The following SYT2 variants were observed in gnomAD, a reference collection of about 807,000 sequenced individuals.
SYT2 encodes the protein synaptotagmin-2.
Under a neutral mutation model 39.9 loss-of-function variants are expected in SYT2, and 15 were observed. That is an observed-to-expected ratio of 0.38 (90% CI 0.25 to 0.58). SYT2 has a LOEUF of 0.58. Ranked by LOEUF, SYT2 falls within the 20% of genes least tolerant of loss-of-function variation. The pLI is 0.70. For missense variants in SYT2, 389 were observed against 530.3 expected, an observed-to-expected ratio of 0.73 and a Z score of 2.62; for synonymous variants, 181 against 204.5, an observed-to-expected ratio of 0.89 and a Z score of 0.98.
At chr1:202,696,350 G>GT (rs1653973316) in intron 1 of SYT2, among the ~76,000 whole-genome samples, 2 of 152,146 alleles carry the variant, frequency 1.3e-5, no homozygotes, top group Admixed American at 6.5e-5. Flanking sequence ...GATGCCTATG[G>GT]TGGCTGCCTA....
Position 202,596,513 on chromosome 1 carries a change from A to G in SYT2, c.*244T>C, listed in dbSNP as rs111689615. On this transcript the variant is annotated 3_prime_UTR_variant, in exon 9 of 9. Transcript: ENST00000367268. ...TCGAGGGAACTGTGACAGGGCATGC[A>G]GCAAGGACAGCTCCTGGGACCGTGA... The G allele has an allele frequency of 5.5e-4, 250 of 455,160 alleles. No homozygotes were observed. Among genetic ancestry groups the G allele is most frequent in the African/African-American group, 4.5e-3 (225 of 49,826 alleles). 28.2% of individuals were successfully genotyped at this position (455,160 alleles called of 1,614,324 possible). A position where few individuals can be genotyped will look rare whatever the true frequency, so the allele number is the denominator to read the frequency against.
chr1:202,654,640 G>GC (rs943311455), intron 1 of SYT2, among the ~76,000 whole-genome samples: 1 of 152,120 alleles, frequency 6.6e-6, no homozygotes, highest in African/African-American at 2.4e-5. Flanking sequence ...ATTGACCCCT[G>GC]CCCCCGCCCA....
Position 202,682,629 on chromosome 1 carries a change from G to A in SYT2, c.-18+27629C>T, listed in dbSNP as rs140743382. Among the ~76,000 whole-genome samples the A allele has an allele frequency of 3.9e-4, 59 of 152,250 alleles. 1 individual carries two copies. In the East Asian group the frequency reaches 9.1e-3, roughly 23 times the overall value. On this transcript the variant is annotated intron_variant, in intron 1 of 8. Coordinates refer to ENST00000367268, the MANE Select transcript of SYT2 (RefSeq NM_177402.5). ...GGCGTGGAGTGGCAAAGCACGGAGC[G>A]GATTCGGGCCTGGGTGAACTCCTAA...
intron 1 of SYT2, among the ~76,000 whole-genome samples, chr1:202,707,057 T>C (rs1359440375): frequency 1.3e-5 from 2 of 152,212 alleles, no homozygotes; most frequent in Admixed American, 6.5e-5. Context: ...ATTCACTAGA[T>C]TGTAAATGCC....
intron 1 of SYT2, chr1:202,639,419 G>C: frequency 3.7e-6 from 3 of 818,704 alleles, no homozygotes; most frequent in Non-Finnish European, 4.4e-6. Flanking sequence ...AAGCTCCGTC[G>C]CTGGGCTTGG....
chr1:202,638,881 C>CCTCCTCT (rs1343710774), intron 1 of SYT2, among the ~76,000 whole-genome samples: 1 of 152,234 alleles, frequency 6.6e-6, no homozygotes, highest in Non-Finnish European at 1.5e-5. Context: ...CTATTGTCTC[C>CCTCCTCT]CTCCTCTCTC....
chr1:202,697,432 C>T (rs1654001478), intron 1 of SYT2, among the ~76,000 whole-genome samples: 1 of 152,252 alleles, frequency 6.6e-6, no homozygotes, highest in East Asian at 1.9e-4. Context: ...ATGTGTGTGG[C>T]CTGTTTGCAT....
At chr1:202,644,624 C>T (rs4460695) in intron 1 of SYT2, among the ~76,000 whole-genome samples, 19,114 of 151,724 alleles carry the variant, frequency 0.13, 1,682 homozygotes, top group East Asian at 0.31. Flanking sequence ...GTTTGCCTTC[C>T]ACTCTGCACA....
intron 1 of SYT2, among the ~76,000 whole-genome samples, chr1:202,653,709 C>T (rs1469246979): frequency 2.0e-5 from 3 of 152,164 alleles, no homozygotes; most frequent in Non-Finnish European, 2.9e-5. Flanking sequence ...GGCAAGGTAC[C>T]GCTGCATGCT....
chr1:202,600,441 G>A lies in SYT2; in HGVS notation c.835C>T (p.Arg279Cys). 1 of 1,614,200 alleles carries A rather than the reference G, an allele frequency of 6.2e-7. No individual in the cohort carries two copies. Among genetic ancestry groups the A allele is most frequent in the Non-Finnish European group, 8.5e-7 (1 of 1,180,030 alleles). ...EKLGDICTSL[R>C]YVPTAGKLTV... The stretch of plus-strand genomic sequence containing the variant: ...AGCTTCCCGGCCGTGGGCACATAGC[G>A]CAGGGAGGTGCAGATGTCGCCCAGC... The change falls in exon 7 of 9, where the codon CGC (arginine) becomes TGC (cysteine). Residue 279 changes from arginine (R) to cysteine (C), a missense_variant. Arg to Cys is a radical substitution (Grantham distance 180). Around this residue, in one of 4 missense-constraint regions of SYT2, gnomAD observed 21 missense variants for 47.0 expected, o/e 0.45. Transcript: ENST00000367268.
intron 1 of SYT2, among the ~76,000 whole-genome samples, chr1:202,643,961 G>A (rs571139965): frequency 3.3e-5 from 5 of 152,346 alleles, no homozygotes; most frequent in Admixed American, 1.3e-4. Flanking sequence ...ATGGCCTGCG[G>A]GCAGGGGTGG....
intron 1 of SYT2, among the ~76,000 whole-genome samples, chr1:202,709,720 C>G (rs2102184895): frequency 6.6e-6 from 1 of 152,334 alleles, no homozygotes; most frequent in Admixed American, 6.5e-5. Context: ...CCCCTGCAGT[C>G]TGTCTCCCCA....
In SYT2 at chr1:202,668,170, C is replaced by T. The variant is rs138211032; in HGVS notation, c.-18+42088G>A. On this transcript the variant is annotated intron_variant, in intron 1 of 8. Transcript: ENST00000367268. Reference sequence around the variant, plus strand: ...TAAAATCATTGAATATATTGTAGGGCTCCAACACTCATAGTCACAGACACG... The same window carrying T: ...TAAAATCATTGAATATATTGTAGGGTTCCAACACTCATAGTCACAGACACG... 6.8e-3 allele frequency among the ~76,000 whole-genome samples: 1,038 copies of T among 152,302 alleles called. 7 individuals carry two copies. The highest frequency in any genetic ancestry group is 0.01 in the Middle Eastern group (3 of 294).
At chr1:202,660,597 A>T (rs928580250) in intron 1 of SYT2, among the ~76,000 whole-genome samples, 1 of 152,216 alleles carries the variant, frequency 6.6e-6, no homozygotes, top group African/African-American at 2.4e-5. Context: ...GGAGATTTTG[A>T]CATGGTGATC....
intron 2 of SYT2, 179 bp downstream of exon 2, chr1:202,605,416 T>G: frequency 7.8e-6 from 4 of 513,788 alleles, no homozygotes; most frequent in Admixed American, 3.3e-5. Flanking sequence ...GTTTGCCACA[T>G]TAGTGGCAGA....
intron 6 of SYT2, 129 bp from the exon 7 acceptor site, chr1:202,600,603 A>G (rs545437677): frequency 7.9e-6 from 6 of 760,952 alleles, no homozygotes; most frequent in Non-Finnish European, 4.5e-6. Flanking sequence ...CAGTCCCCAT[A>G]TATGTGATGG....
In SYT2 at chr1:202,591,190, C is replaced by G. The variant is rs1263703241; in HGVS notation, c.*5567G>C. On this transcript the variant is annotated 3_prime_UTR_variant, in exon 9 of 9. Transcript: ENST00000367268. Reference sequence around the variant, plus strand: ...CTTTCAGTTCCCAGCACAAAGGTCCCTGGGACTTCTGTGTGCAACTTCTGT... The same window carrying G: ...CTTTCAGTTCCCAGCACAAAGGTCCGTGGGACTTCTGTGTGCAACTTCTGT... 2 of 152,420 alleles carry G rather than the reference C, an allele frequency of 1.3e-5. No individual in the cohort carries two copies. Among genetic ancestry groups the G allele is most frequent in the African/African-American group, 4.8e-5 (2 of 41,476 alleles). 9.4% of individuals were successfully genotyped at this position (152,420 alleles called of 1,614,324 possible).
intron 1 of SYT2, among the ~76,000 whole-genome samples, chr1:202,687,301 G>A (rs554977251): frequency 6.6e-6 from 1 of 152,246 alleles, no homozygotes; most frequent in East Asian, 1.9e-4. Context: ...TCTTGGGTAA[G>A]CTGGCCCCAC....
chr1:202,680,125 G>A (rs1653487462), intron 1 of SYT2, among the ~76,000 whole-genome samples: 1 of 152,186 alleles, frequency 6.6e-6, no homozygotes, highest in African/African-American at 2.4e-5. Context: ...ATGGCTATTT[G>A]TTTCTATATC....
Sources: allele counts gnomAD v4.1 joint callset (sites outside exome capture counted in the v4.1 genomes callset), GRCh38; gene constraint gnomAD v4.1.1; regional missense constraint gnomAD v4.1.1; transcripts MANE v1.5; gene names NCBI Gene and HGNC (gene_info 2026-07-23, HGNC 2026-07-21).